The following INSYN2A variants were observed in gnomAD, a reference collection of about 807,000 sequenced individuals.
The protein encoded by INSYN2A is family with sequence similarity 196 member A.
Under a neutral mutation model 39.4 loss-of-function variants are expected in INSYN2A, and 17 were observed. The ratio of observed to expected loss-of-function variants is 0.43; its 90% CI spans 0.30 to 0.65. INSYN2A has a LOEUF of 0.65. INSYN2A is among the 30% of genes least tolerant of loss of function. INSYN2A has a pLI of 0.14. For missense variants in INSYN2A, 595 were observed against 631.2 expected, an observed-to-expected ratio of 0.94 and a Z score of 0.61; for synonymous variants, 255 against 265.7, an observed-to-expected ratio of 0.96 and a Z score of 0.39.
chr10:127,196,548 C>T lies in INSYN2A; in HGVS notation c.-946G>A, dbSNP rs1483927637. ...GGCGAGGGCGCCCCAAGCCGCGCGC[C>T]TGCCGCCTGTGCGCCCGGCTGGCAC... is the stretch of plus-strand genomic sequence containing the variant. On this transcript the variant is annotated 5_prime_UTR_variant, in exon 1 of 6. Transcript: ENST00000522781. 2.0e-5 allele frequency among the ~76,000 whole-genome samples: 3 copies of T among 147,322 alleles called. No individual in the cohort carries two copies. The highest frequency in any genetic ancestry group is 4.5e-5 in the Non-Finnish European group (3 of 66,444).
rs1048015585 is a variant in INSYN2A at position 127,189,975 on chromosome 10, G to C, written c.-269+2630C>G. On this transcript the variant is annotated intron_variant, in intron 2 of 5. Coordinates refer to ENST00000522781, the MANE Select transcript of INSYN2A (RefSeq NM_001039762.3). ...AGAGACAGACATCTCCTTCTCTCAT[G>C]CTGGCCCGATGAACTCTCCAGTTTT... Among the ~76,000 whole-genome samples, 5 of 152,188 alleles carry C rather than the reference G, an allele frequency of 3.3e-5. No individual in the cohort carries two copies. The South Asian group carries it at 8.3e-4, about 25-fold the overall frequency.
chr10:127,176,123 G>T lies in INSYN2A; in HGVS notation c.273C>A (p.Pro91=). 1 of 1,614,082 alleles carries T rather than the reference G, an allele frequency of 6.2e-7. No homozygotes were observed. ...RAAYRKYMTV[P]ARRSIPNVTK... ...TGACGTTGGGGATGGACCTGCGTGC[G>T]GGCACTGTCATGTATTTGCGGTAGG... The change falls in exon 4 of 6, where the codon CCC becomes CCA. Residue 91 remains proline, a synonymous_variant. Coordinates refer to ENST00000522781, the MANE Select transcript of INSYN2A (RefSeq NM_001039762.3). This position sits in a 1 kb window ranked among gnomAD's most constrained non-coding sequence, Gnocchi z 4.4.
rs747882991 is a variant in INSYN2A, at chr10:127,176,354, C to T, written c.42G>A (p.Ser14=). The T allele has an allele frequency of 1.3e-5, 21 of 1,613,224 alleles. No homozygotes were observed. In the Admixed American group the frequency reaches 1.7e-4, roughly 13 times the overall value. Residue 14 remains serine, a synonymous_variant, in exon 4 of 6, where the codon TCG becomes TCA. Transcript: ENST00000522781. This position sits in a 1 kb window ranked among gnomAD's most constrained non-coding sequence, Gnocchi z 4.4. Reference sequence around the variant, plus strand: ...AGGCGGCGGGTTCCACTTCACTCTCCGACGTTGTGAGTATGCATTTGCCGG... The same window carrying T: ...AGGCGGCGGGTTCCACTTCACTCTCTGACGTTGTGAGTATGCATTTGCCGG... ...KDTGKCILTT[S]ESEVEPAACL...
intron 4 of INSYN2A, among the ~76,000 whole-genome samples, chr10:127,156,458 C>T (rs894568909): frequency 2.0e-5 from 3 of 152,084 alleles, no homozygotes; most frequent in Non-Finnish European, 2.9e-5. Context: ...AGGAATCTTC[C>T]AGGACCTTGG....
rs200232230 is a variant in INSYN2A, at chr10:127,156,498, ATCTTT to A, written c.1185-2580_1185-2576del. 8.2e-3 allele frequency among the ~76,000 whole-genome samples: 1,224 copies of A among 150,124 alleles called. 23 individuals carry two copies. The highest frequency in any genetic ancestry group is 0.028 in the African/African-American group (1,147 of 40,798). On this transcript the variant is annotated intron_variant, in intron 4 of 5. Coordinates refer to ENST00000522781, the MANE Select transcript of INSYN2A (RefSeq NM_001039762.3). ...CTTCAGTAAGAAATTGCTTTTCTGAATCTTTTCTTCTCTTTTCTTTACTTTTCTTT... is the reference window on the plus strand; with the variant it reads ...CTTCAGTAAGAAATTGCTTTTCTGAATCTTCTCTTTTCTTTACTTTTCTTT...
rs1282184598 is a variant in INSYN2A at position 127,136,383 on chromosome 10, C to T, written c.*1454G>A. 1.3e-5 allele frequency: 2 copies of T among 151,148 alleles called. No individual in the cohort carries two copies. The highest frequency in any genetic ancestry group is 2.9e-5 in the Non-Finnish European group (2 of 67,956). The allele number at this position is 151,148 out of a possible 1,614,324, so 9.4% of individuals were successfully genotyped here. A position where few individuals can be genotyped will look rare whatever the true frequency, so the allele number is the denominator to read the frequency against. On this transcript the variant is annotated 3_prime_UTR_variant, in exon 6 of 6. Coordinates refer to ENST00000522781, the MANE Select transcript of INSYN2A (RefSeq NM_001039762.3). Reference sequence around the variant, plus strand: ...TTTGGCATCTAGTCAATGAGGTGTGCATGTCAGCACTCCACTAGATGTGAA... The same window carrying T: ...TTTGGCATCTAGTCAATGAGGTGTGTATGTCAGCACTCCACTAGATGTGAA...
Position 127,196,345 on chromosome 10 carries a change from G to A in INSYN2A, c.-743C>T, listed in dbSNP as rs1327514819. Among the ~76,000 whole-genome samples the A allele has an allele frequency of 6.7e-6, 1 of 148,722 alleles. No homozygotes were observed. Among genetic ancestry groups the A allele is most frequent in the African/African-American group, 2.4e-5 (1 of 41,124 alleles). ...CGCGCTCGCTTGCTCGCGACGCGGC[G>A]GAGCCAGCCACAGCCACCCGGCTTC... On this transcript the variant is annotated 5_prime_UTR_variant, in exon 1 of 6. Transcript: ENST00000522781.
At chr10:127,183,745 T>TG (rs1311958421) in intron 2 of INSYN2A, among the ~76,000 whole-genome samples, 1 of 152,144 alleles carries the variant, frequency 6.6e-6, no homozygotes, top group Non-Finnish European at 1.5e-5. Flanking sequence ...TCATTTTTGT[T>TG]GGGGGGCTGG....
chr10:127,179,525 G>A (rs1358643672), intron 2 of INSYN2A, among the ~76,000 whole-genome samples: 1 of 152,182 alleles, frequency 6.6e-6, no homozygotes. Context: ...ATGAGGTTAT[G>A]AGTTCTTTCT....
At chr10:127,179,054 AAG>A (rs1269348125) in intron 2 of INSYN2A, among the ~76,000 whole-genome samples, 1 of 152,184 alleles carries the variant, frequency 6.6e-6, no homozygotes, top group South Asian at 2.1e-4. Context: ...GAAAATTTGA[AAG>A]AGAGAGCATT....
rs1004876591 is a variant in INSYN2A at position 127,175,612 on chromosome 10, T to G, written c.784A>C (p.Ser262Arg). ...EVATVYAPAL[S>R]ARAPEPGLSD... Reference sequence around the variant, plus strand: ...AAACCAGGCTCGGGGGCCCTGGCACTGAGGGCAGGTGCGTAAACGGTGGCA... The same window carrying G: ...AAACCAGGCTCGGGGGCCCTGGCACGGAGGGCAGGTGCGTAAACGGTGGCA... The change falls in exon 4 of 6, where the codon AGT becomes CGT. Residue 262 changes from serine to arginine, a missense_variant. Physicochemically the swap from Ser to Arg is moderately radical, Grantham distance 110. Transcript: ENST00000522781. The surrounding 1 kb of genome is among the most constrained non-coding windows in gnomAD (Gnocchi z 6.3). 1 of 1,612,870 alleles carries G rather than the reference T, an allele frequency of 6.2e-7. No homozygotes were observed. The highest frequency in any genetic ancestry group is 1.3e-5 in the African/African-American group (1 of 74,926).
At chr10:127,167,567 C>G (rs1010131113) in intron 4 of INSYN2A, among the ~76,000 whole-genome samples, 1 of 152,100 alleles carries the variant, frequency 6.6e-6, no homozygotes, top group African/African-American at 2.4e-5. Context: ...TGTTCTCAGA[C>G]ATCTCTATAG....
At chr10:127,164,226 C>T (rs2053875757) in intron 4 of INSYN2A, among the ~76,000 whole-genome samples, 1 of 118,108 alleles carries the variant, frequency 8.5e-6, no homozygotes, top group East Asian at 2.9e-4. Context: ...CTCTGTCACC[C>T]AGGCTGGAGT....
rs1250533325 is a variant in INSYN2A at position 127,196,224 on chromosome 10, G to C, written c.-622C>G. ...CGGCCCGGCCCTGCTGGCCCGGCCGGCCCCCGCGCCGCAGCTCGCGTCGCT... is the reference window on the plus strand; with the variant it reads ...CGGCCCGGCCCTGCTGGCCCGGCCGCCCCCCGCGCCGCAGCTCGCGTCGCT... On this transcript the variant is annotated 5_prime_UTR_variant, in exon 1 of 6. Coordinates refer to ENST00000522781, the MANE Select transcript of INSYN2A (RefSeq NM_001039762.3). 6.7e-6 allele frequency: 1 copy of C among 149,188 alleles called. No individual in the cohort carries two copies. The highest frequency in any genetic ancestry group is 1.5e-5 in the Non-Finnish European group (1 of 67,132). 9.2% of individuals were successfully genotyped at this position (149,188 alleles called of 1,614,324 possible). A position where few individuals can be genotyped will look rare whatever the true frequency, so the allele number is the denominator to read the frequency against.
chr10:127,150,021 T>C (rs2052333549), intron 5 of INSYN2A, among the ~76,000 whole-genome samples: 1 of 152,206 alleles, frequency 6.6e-6, no homozygotes, highest in Admixed American at 6.5e-5. Flanking sequence ...TACAGATTCA[T>C]ATGCAGGAAT....
intron 5 of INSYN2A, among the ~76,000 whole-genome samples, chr10:127,140,998 G>C (rs1592185701): frequency 6.6e-6 from 1 of 152,302 alleles, no homozygotes; most frequent in East Asian, 1.9e-4. Context: ...CGGCAGACCT[G>C]TGGTGGGAGT....
At chr10:127,158,077 A>C (rs1180710933) in intron 4 of INSYN2A, among the ~76,000 whole-genome samples, 1 of 152,194 alleles carries the variant, frequency 6.6e-6, no homozygotes, top group Non-Finnish European at 1.5e-5. Context: ...TTCACTGATA[A>C]TTTTATGGTC....
At chr10:127,167,656 T>C (rs951198721) in intron 4 of INSYN2A, among the ~76,000 whole-genome samples, 5 of 152,278 alleles carry the variant, frequency 3.3e-5, no homozygotes, top group Admixed American at 6.5e-5. Context: ...TCAAAAAATG[T>C]AGCTCAGAGG....
chr10:127,189,462 T>C (rs1459608343), intron 2 of INSYN2A, among the ~76,000 whole-genome samples: 1 of 152,188 alleles, frequency 6.6e-6, no homozygotes, highest in Non-Finnish European at 1.5e-5. Context: ...CTGGGTGTTT[T>C]TGCCACATGG....
Sources: gnomAD v4.1 joint callset for allele counts (sites outside exome capture counted in the v4.1 genomes callset) on GRCh38, gnomAD v4.1.1 for gene constraint, Gnocchi (gnomAD v3.1) non-coding constraint, MANE v1.5 for transcripts, NCBI Gene and HGNC (gene_info 2026-07-23, HGNC 2026-07-21) for gene names.